Variants in PRKAR1B observed in about 807,000 individuals in gnomAD.
PRKAR1B encodes the protein cAMP-dependent protein kinase type I-beta regulatory subunit.
In PRKAR1B, 22 loss-of-function variants were observed where a neutral mutation model predicts 46.5. The observed-to-expected ratio is 0.47, with a 90% CI of 0.34 to 0.68. PRKAR1B has a LOEUF of 0.68. Ranked by LOEUF, PRKAR1B falls within the 30% of genes least tolerant of loss-of-function variation. PRKAR1B has a pLI of 0.01. For synonymous variants in PRKAR1B, 259 were observed against 217.7 expected (o/e 1.19, Z -1.67); for missense variants, 445 against 535.6 (o/e 0.83, Z 1.67).
chr7:605,784 G>A (rs1362588969), intron 6 of PRKAR1B, among the ~76,000 whole-genome samples: 2 of 152,136 alleles, frequency 1.3e-5, no homozygotes, highest in Non-Finnish European at 2.9e-5. Context: ...TCGGTCCTAG[G>A]GGGTCTCTAA....
intron 4 of PRKAR1B, among the ~76,000 whole-genome samples, chr7:657,120 G>A (rs1406951883): frequency 1.3e-5 from 2 of 151,850 alleles, no homozygotes; most frequent in Non-Finnish European, 2.9e-5. Context: ...TGGATGGATG[G>A]ATGGATAGAT....
chr7:685,363 TAC>T (rs1554303211), intron 2 of PRKAR1B, among the ~76,000 whole-genome samples: 6 of 53,848 alleles, frequency 1.1e-4, no homozygotes, highest in African/African-American at 1.7e-4. Context: ...CATATATATA[TAC>T]ACATATATAT....
intron 9 of PRKAR1B, among the ~76,000 whole-genome samples, chr7:571,198 G>A (rs1013701026): frequency 3.3e-5 from 5 of 152,174 alleles, no homozygotes; most frequent in Admixed American, 2.6e-4. Flanking sequence ...ATGTGGCACC[G>A]GCACTGTCCA....
intron 4 of PRKAR1B, among the ~76,000 whole-genome samples, chr7:623,864 G>T (rs566535691): frequency 2.6e-5 from 4 of 152,376 alleles, no homozygotes; most frequent in Admixed American, 2.6e-4. Flanking sequence ...GGTATGGAAT[G>T]AACCTATGGA....
intron 7 of PRKAR1B, among the ~76,000 whole-genome samples, chr7:595,106 G>T (rs142069685): frequency 3.9e-5 from 6 of 152,154 alleles, no homozygotes; most frequent in Non-Finnish European, 5.9e-5. Context: ...GCGGGTCCTC[G>T]GCCTGGAGCC....
Position 726,744 on chromosome 7 carries a change from G to A in PRKAR1B, c.-23+466C>T, listed in dbSNP as rs1781307658. On this transcript the variant is annotated intron_variant, in intron 1 of 10. Transcript: ENST00000537384. ...AGATGGCGGCGCTGGGGGTGGCGGAGGCCGTGGCGGCCCCACACCCGGCTG... is the reference window on the plus strand; with the variant it reads ...AGATGGCGGCGCTGGGGGTGGCGGAAGCCGTGGCGGCCCCACACCCGGCTG... 9 of 1,245,462 alleles carry A rather than the reference G, an allele frequency of 7.2e-6. No homozygotes were observed. Among genetic ancestry groups the A allele is most frequent in the Non-Finnish European group, 9.0e-6 (9 of 996,124 alleles). 77.2% of individuals were successfully genotyped at this position (1,245,462 alleles called of 1,614,324 possible).
At chr7:673,100 G>A (rs542822040) in intron 4 of PRKAR1B, among the ~76,000 whole-genome samples, 1 of 131,954 alleles carries the variant, frequency 7.6e-6, no homozygotes, top group African/African-American at 2.9e-5. Flanking sequence ...AGAATGGACA[G>A]CTGGTCTGTG....
At chr7:669,752 A>G (rs1025044967) in intron 4 of PRKAR1B, among the ~76,000 whole-genome samples, 4 of 151,050 alleles carry the variant, frequency 2.6e-5, no homozygotes, top group Non-Finnish European at 5.9e-5. Context: ...TGACAGAGTG[A>G]GACTCCATCT....
chr7:651,239 G>T (rs1025925158), intron 4 of PRKAR1B, among the ~76,000 whole-genome samples: 13 of 152,224 alleles, frequency 8.5e-5, no homozygotes, highest in Non-Finnish European at 1.5e-4. Flanking sequence ...TGCCATGAGG[G>T]GTGATTGCAA....
intron 8 of PRKAR1B, among the ~76,000 whole-genome samples, chr7:580,685 T>A (rs1267523150): frequency 6.7e-6 from 1 of 149,152 alleles, no homozygotes; most frequent in Admixed American, 6.7e-5. Flanking sequence ...AAAAAAAATT[T>A]ACTAACGTCA....
rs367713306 is a variant in PRKAR1B, at chr7:637,377, A to G, written c.441-29925T>C. ...GATTGCAATGAGCCGAGATTGCGCC[A>G]CTGCACTCCAGCCTGGGTGAAGGAG... On this transcript the variant is annotated intron_variant, in intron 4 of 10. Transcript: ENST00000537384. Among the ~76,000 whole-genome samples, 5 of 152,194 alleles carry G rather than the reference A, an allele frequency of 3.3e-5. 1 individual carries two copies. The highest frequency in any genetic ancestry group is 1.9e-4 in the East Asian group (1 of 5,162).
In PRKAR1B at chr7:667,451, C is replaced by T. The variant is rs1254581779; in HGVS notation, c.440+9778G>A. 6.6e-6 allele frequency among the ~76,000 whole-genome samples: 1 copy of T among 152,184 alleles called. No homozygotes were observed. Among genetic ancestry groups the T allele is most frequent in the African/African-American group, 2.4e-5 (1 of 41,442 alleles). On this transcript the variant is annotated intron_variant, in intron 4 of 10. Coordinates refer to ENST00000537384, the MANE Select transcript of PRKAR1B (RefSeq NM_001164760.2). The surrounding 1 kb of genome is among the most constrained non-coding windows in gnomAD (Gnocchi z 4.3). ...TGGTATCTGAGTGAGATTGTGTGTG[C>T]ATGACTGTGTGCATAGGCGTGCCTG...
intron 4 of PRKAR1B, among the ~76,000 whole-genome samples, chr7:615,960 A>G (rs1027748531): frequency 2.0e-5 from 3 of 151,770 alleles, no homozygotes; most frequent in Non-Finnish European, 2.9e-5. Context: ...GAAAAATAAA[A>G]AAAGAAACAG....
chr7:590,435 G>C (rs1022816721), intron 7 of PRKAR1B, among the ~76,000 whole-genome samples: 2 of 152,152 alleles, frequency 1.3e-5, no homozygotes, highest in Non-Finnish European at 2.9e-5. Context: ...TGGCCCTCGC[G>C]TGCCCAGTCC....
chr7:712,140 C>T (rs925732815), intron 1 of PRKAR1B, among the ~76,000 whole-genome samples: 1 of 151,164 alleles, frequency 6.6e-6, no homozygotes, highest in East Asian at 2.0e-4. Flanking sequence ...GGCACCGCAC[C>T]GCGGGGCGCA....
intron 4 of PRKAR1B, among the ~76,000 whole-genome samples, chr7:612,269 TG>T (rs1562562464): frequency 2.4e-4 from 33 of 139,842 alleles, no homozygotes; most frequent in African/African-American, 7.8e-4. Flanking sequence ...GATCAACGGA[TG>T]GATGGATGGA....
At chr7:590,785 C>G (rs1780926145) in intron 7 of PRKAR1B, among the ~76,000 whole-genome samples, 1 of 152,152 alleles carries the variant, frequency 6.6e-6, no homozygotes, top group African/African-American at 2.4e-5. Flanking sequence ...GGCCCAAGAC[C>G]AAGACGGTGC....
At chr7:625,927 G>A (rs1373461944) in intron 4 of PRKAR1B, among the ~76,000 whole-genome samples, 1 of 148,568 alleles carries the variant, frequency 6.7e-6, no homozygotes, top group Non-Finnish European at 1.5e-5. Flanking sequence ...AGAATCACTT[G>A]AACCCAGGAG....
chr7:573,288 G>C (rs542188722), intron 9 of PRKAR1B, among the ~76,000 whole-genome samples: 2 of 152,210 alleles, frequency 1.3e-5, no homozygotes, highest in Non-Finnish European at 2.9e-5. Flanking sequence ...CCCGGAGGAC[G>C]TGCAAGGCGC....
Sources: allele counts gnomAD v4.1 joint callset (sites outside exome capture counted in the v4.1 genomes callset), GRCh38; gene constraint gnomAD v4.1.1; non-coding constraint Gnocchi (gnomAD v3.1); transcripts MANE v1.5; gene names NCBI Gene and HGNC (gene_info 2026-07-23, HGNC 2026-07-21).